Variants in KCNH5 observed in about 807,000 individuals in gnomAD.
KCNH5 encodes potassium voltage-gated channel subfamily H member 5.
Under a neutral mutation model 96.1 loss-of-function variants are expected in KCNH5, and 46 were observed. That is an observed-to-expected ratio of 0.48 (90% confidence interval 0.38 to 0.61). The LOEUF (loss-of-function observed/expected upper bound fraction) is 0.61. KCNH5 is among the 20% of genes least tolerant of loss of function. The pLI is 0.00. For synonymous variants in KCNH5, 439 were observed against 449.8 expected (o/e 0.98, Z 0.30); for missense variants, 907 against 1,225.8 (o/e 0.74, Z 3.88).
chr14:62,923,817 C>T (rs1889422959), intron 7 of KCNH5, among the ~76,000 whole-genome samples: 1 of 151,884 alleles, frequency 6.6e-6, no homozygotes, highest in South Asian at 2.1e-4. Flanking sequence ...CAAAAATCCA[C>T]TCAAAATGGA....
chr14:62,987,437 A>G (rs1458153066), intron 4 of KCNH5, among the ~76,000 whole-genome samples: 1 of 152,184 alleles, frequency 6.6e-6, no homozygotes, highest in Non-Finnish European at 1.5e-5. Flanking sequence ...CCTGTAGCCA[A>G]TGCAACTAGC....
Position 63,045,384 on chromosome 14 carries a change from G to C in KCNH5, c.-198C>G, listed in dbSNP as rs995641839. On this transcript the variant is annotated 5_prime_UTR_variant, in exon 1 of 11. Transcript: ENST00000322893. Reference sequence around the variant, plus strand: ...CAGCTCTGGGGAGGAGGACCAGGCAGTTCATGGTAGTAGCGCTCCCCCGGC... The same window carrying C: ...CAGCTCTGGGGAGGAGGACCAGGCACTTCATGGTAGTAGCGCTCCCCCGGC... 184 of 599,470 alleles carry C rather than the reference G, an allele frequency of 3.1e-4. 1 individual carries two copies. Among genetic ancestry groups the C allele is most frequent in the Admixed American group, 8.2e-4 (29 of 35,572 alleles). The allele number at this position is 599,470 out of a possible 1,614,324, so 37.1% of individuals were successfully genotyped here. A position where few individuals can be genotyped will look rare whatever the true frequency, so the allele number is the denominator to read the frequency against.
intron 1 of KCNH5, among the ~76,000 whole-genome samples, chr14:63,021,556 T>C (rs1891428025): frequency 6.6e-6 from 1 of 152,072 alleles, no homozygotes; most frequent in Non-Finnish European, 1.5e-5. Context: ...AGCCTACATC[T>C]CCTCTGGCTG....
chr14:62,737,958 C>T (rs1407090870), intron 10 of KCNH5, among the ~76,000 whole-genome samples: 3 of 152,020 alleles, frequency 2.0e-5, no homozygotes, highest in African/African-American at 7.2e-5. Flanking sequence ...TTTCCTATAC[C>T]CGCCTACCTA....
intron 4 of KCNH5, among the ~76,000 whole-genome samples, chr14:63,000,770 T>C (rs1432669246): frequency 6.6e-6 from 1 of 152,116 alleles, no homozygotes; most frequent in Non-Finnish European, 1.5e-5. Flanking sequence ...TCCAATCATA[T>C]TGATTCAAAA....
chr14:62,826,469 T>C lies in KCNH5; in HGVS notation c.1569+23184A>G, dbSNP rs1887229871. On this transcript the variant is annotated intron_variant, in intron 8 of 10. Transcript: ENST00000322893. ...CAGCATTTTCAAGGATTTTCCTTTG[T>C]AAGCCAATCTAAAAATATTTTTCTT... is the stretch of plus-strand genomic sequence containing the variant. Among the ~76,000 whole-genome samples the C allele has an allele frequency of 2.0e-5, 3 of 151,490 alleles. No individual in the cohort carries two copies. In the South Asian group the frequency reaches 6.2e-4, roughly 31 times the overall value.
intron 9 of KCNH5, among the ~76,000 whole-genome samples, chr14:62,793,987 A>C (rs1886488015): frequency 6.6e-6 from 1 of 151,994 alleles, no homozygotes; most frequent in Non-Finnish European, 1.5e-5. Context: ...CTCTTCCATA[A>C]CCCAGATGAA....
chr14:62,979,539 T>G (rs930083919), intron 6 of KCNH5, among the ~76,000 whole-genome samples: 1 of 151,948 alleles, frequency 6.6e-6, no homozygotes, highest in African/African-American at 2.4e-5. Flanking sequence ...AAATAATATA[T>G]TACAATGTAT....
chr14:62,717,185 CAA>C (rs1294646572), intron 10 of KCNH5, among the ~76,000 whole-genome samples: 1 of 152,064 alleles, frequency 6.6e-6, no homozygotes, highest in Non-Finnish European at 1.5e-5. Flanking sequence ...TATTAGAAAA[CAA>C]TATTGCTAAC....
At chr14:62,946,915 G>C (rs1889898282) in intron 7 of KCNH5, among the ~76,000 whole-genome samples, 1 of 152,124 alleles carries the variant, frequency 6.6e-6, no homozygotes, top group Admixed American at 6.6e-5. Context: ...TCAGGGAATA[G>C]GGATAGTTGG....
intron 9 of KCNH5, among the ~76,000 whole-genome samples, chr14:62,801,917 T>G (rs892127974): frequency 6.6e-6 from 1 of 152,112 alleles, no homozygotes; most frequent in East Asian, 1.9e-4. Context: ...ACTAAGCTTC[T>G]CTGGACCTCA....
intron 8 of KCNH5, among the ~76,000 whole-genome samples, chr14:62,827,773 G>C (rs1887256694): frequency 6.6e-6 from 1 of 152,008 alleles, no homozygotes; most frequent in Non-Finnish European, 1.5e-5. Context: ...GTATACAATG[G>C]GCCAGATATG....
intron 9 of KCNH5, among the ~76,000 whole-genome samples, chr14:62,795,617 A>G (rs1263324054): frequency 2.0e-5 from 3 of 152,154 alleles, no homozygotes; most frequent in Non-Finnish European, 2.9e-5. Flanking sequence ...TCTGAAACCA[A>G]TCCCTTGTGG....
intron 1 of KCNH5, among the ~76,000 whole-genome samples, chr14:63,039,196 A>T (rs1891778186): frequency 6.6e-6 from 1 of 152,106 alleles, no homozygotes; most frequent in Admixed American, 6.6e-5. Context: ...CAAAAAGAAA[A>T]AAGAATTGCC....
At chr14:62,827,795 T>G (rs1473775499) in intron 8 of KCNH5, among the ~76,000 whole-genome samples, 3 of 152,110 alleles carry the variant, frequency 2.0e-5, no homozygotes, top group Non-Finnish European at 4.4e-5. Flanking sequence ...AGCTTTGGGT[T>G]TTTGTTTGTT....
chr14:62,961,904 CAGATGGAGATGG>C (rs200836915), intron 6 of KCNH5, among the ~76,000 whole-genome samples: 86 of 141,440 alleles, frequency 6.1e-4, no homozygotes, highest in African/African-American at 2.1e-3. Flanking sequence ...GGAGATGATG[CAGATGGAGATGG>C]AGATGGAGAT....
At chr14:62,842,772 A>G (rs1211660213) in intron 8 of KCNH5, among the ~76,000 whole-genome samples, 2 of 152,214 alleles carry the variant, frequency 1.3e-5, no homozygotes, top group African/African-American at 4.8e-5. Flanking sequence ...CTTTCATGTC[A>G]TATGTAAAAC....
intron 10 of KCNH5, among the ~76,000 whole-genome samples, chr14:62,727,395 G>T (rs749288205): frequency 2.2e-4 from 34 of 151,948 alleles, no homozygotes; most frequent in Admixed American, 1.2e-3. Context: ...AGTAGGTAAA[G>T]CTTGCATAGG....
intron 10 of KCNH5, among the ~76,000 whole-genome samples, chr14:62,777,508 C>T (rs776962503): frequency 6.6e-6 from 1 of 152,162 alleles, no homozygotes; most frequent in Non-Finnish European, 1.5e-5. Context: ...ATAATATTTT[C>T]TCACCACTTA....
Sources: allele counts gnomAD v4.1 joint callset (sites outside exome capture counted in the v4.1 genomes callset), GRCh38; gene constraint gnomAD v4.1.1; transcripts MANE v1.5; gene names NCBI Gene and HGNC (gene_info 2026-07-23, HGNC 2026-07-21).